Variants in MCC observed in about 807,000 individuals in gnomAD.
MCC encodes the protein colorectal mutant cancer protein.
MCC carries 90 observed loss-of-function variants against 116.2 expected under a neutral mutation model. The observed-to-expected ratio is 0.77, with a 90% CI of 0.65 to 0.92. The LOEUF (loss-of-function observed/expected upper bound fraction) is 0.92, where lower values mean the gene tolerates loss of function less well. Ranked by LOEUF, MCC falls within the 40% of genes least tolerant of loss-of-function variation. The pLI, the probability that MCC is intolerant of heterozygous loss-of-function variation, is 0.00. For synonymous variants in MCC, 578 were observed against 510.5 expected (o/e 1.13, Z -1.78); for missense variants, 1,516 against 1,312.2 (o/e 1.16, Z -2.40).
At chr5:113,146,846 C>T (rs1335733066) in intron 4 of MCC, among the ~76,000 whole-genome samples, 4 of 152,042 alleles carry the variant, frequency 2.6e-5, no homozygotes, top group African/African-American at 4.8e-5. Context: ...GTAATTGCAT[C>T]CAGGGTTCTT....
At chr5:113,316,840 G>A (rs1278204810) in intron 3 of MCC, among the ~76,000 whole-genome samples, 1 of 152,196 alleles carries the variant, frequency 6.6e-6, no homozygotes, top group Admixed American at 6.5e-5. Context: ...ATGTTTGTGT[G>A]TGTGTATGTA....
At chr5:113,299,171 C>T (rs1400766378) in intron 3 of MCC, among the ~76,000 whole-genome samples, 2 of 151,528 alleles carry the variant, frequency 1.3e-5, no homozygotes, top group East Asian at 3.9e-4. Flanking sequence ...ACCTATAATC[C>T]CAGATACTCA....
At chr5:113,398,823 A>G (rs905942593) in intron 1 of MCC, among the ~76,000 whole-genome samples, 1 of 152,232 alleles carries the variant, frequency 6.6e-6, no homozygotes, top group Non-Finnish European at 1.5e-5. Context: ...AGGATTTCCA[A>G]TAAGCAACTT....
At position 113,294,272 on chromosome 5, in the gene MCC, T is replaced by C. The variant is rs1256576520; in HGVS notation, c.627+46247A>G. 1.9e-6 allele frequency: 3 copies of C among 1,611,196 alleles called. No individual in the cohort carries two copies. In the African/African-American group the frequency reaches 4.0e-5, roughly 22 times the overall value. ...TGTGGGGAGGTCGAGGGGAGGGGGA[T>C]TTGTGGAAAAGCAAACGCCCGAGAA... is the stretch of plus-strand genomic sequence containing the variant. On this transcript the variant is annotated intron_variant, in intron 3 of 18. Coordinates refer to ENST00000408903, the MANE Select transcript of MCC (RefSeq NM_001085377.2).
In MCC at chr5:113,045,253, C is replaced by A. The variant is rs140778586; in HGVS notation, c.2656-1623G>T. On this transcript the variant is annotated intron_variant, in intron 16 of 18. Transcript: ENST00000408903. ...TGCACACAGACGAGAATTTCAAAAC[C>A]TAACGCAACTTGGATAAGATTTGGA... Among the ~76,000 whole-genome samples the A allele has an allele frequency of 4.4e-3, 673 of 152,292 alleles. 6 individuals are homozygous for A. The highest frequency in any genetic ancestry group is 2.6e-3 in the Admixed American group (40 of 15,302).
At chr5:113,339,408 A>AGTGTGTGTGTGTGTGTGTGT (rs60886614) in intron 3 of MCC, among the ~76,000 whole-genome samples, 2 of 123,586 alleles carry the variant, frequency 1.6e-5, no homozygotes, top group African/African-American at 6.4e-5. Flanking sequence ...AGGCTTCCTT[A>AGTGTGTGTGTGTGTGTGTGT]GTGTGTGTGT....
chr5:113,133,261 C>T (rs1006534023), intron 5 of MCC, among the ~76,000 whole-genome samples: 1 of 151,914 alleles, frequency 6.6e-6, no homozygotes, highest in Non-Finnish European at 1.5e-5. Flanking sequence ...ATTTTTGTAC[C>T]CATTATTCAA....
chr5:113,053,551 C>A (rs147618215), intron 15 of MCC, among the ~76,000 whole-genome samples, 174 bp downstream of exon 15: 2 of 152,276 alleles, frequency 1.3e-5, no homozygotes, highest in East Asian at 1.9e-4. Context: ...TCCAGAAACA[C>A]GCAGCCCAAG....
At chr5:113,184,394 G>C (rs1369218405) in intron 3 of MCC, among the ~76,000 whole-genome samples, 1 of 151,488 alleles carries the variant, frequency 6.6e-6, no homozygotes, top group African/African-American at 2.4e-5. Flanking sequence ...AGAAAAATTA[G>C]ACCAACTTGT....
intron 8 of MCC, among the ~76,000 whole-genome samples, chr5:113,094,774 A>ACAGCCAAGAGC (rs372675179): frequency 1.3e-5 from 2 of 152,318 alleles, no homozygotes; most frequent in African/African-American, 4.8e-5. Context: ...TTCTTTCATG[A>ACAGCCAAGAGC]CAGCCAAGAG....
intron 6 of MCC, 45 bp from the exon 7 acceptor site, chr5:113,104,400 G>C (rs1399284236): frequency 1.3e-6 from 2 of 1,537,808 alleles, no homozygotes; most frequent in Non-Finnish European, 1.8e-6. Flanking sequence ...GGCAACAAAT[G>C]CTGTCTGTTT....
At chr5:113,122,653 C>G (rs1395086647) in intron 6 of MCC, 31 bp downstream of exon 6, 2 of 1,605,926 alleles carry the variant, frequency 1.2e-6, no homozygotes, top group Non-Finnish European at 1.7e-6. Context: ...AAACCAAACT[C>G]TGGCTTGGTG....
At chr5:113,159,543 C>T (rs1760366255) in intron 3 of MCC, among the ~76,000 whole-genome samples, 1 of 152,214 alleles carries the variant, frequency 6.6e-6, no homozygotes, top group African/African-American at 2.4e-5. Context: ...GGCTACCTCT[C>T]TCCCAATGGC....
chr5:113,220,953 A>T (rs1044704762), intron 3 of MCC, among the ~76,000 whole-genome samples: 4 of 152,232 alleles, frequency 2.6e-5, no homozygotes, highest in African/African-American at 9.6e-5. Flanking sequence ...CTATAATCCC[A>T]GCACTTTTGG....
chr5:113,360,009 A>G, intron 2 of MCC, among the ~76,000 whole-genome samples: 1 of 152,142 alleles, frequency 6.6e-6, no homozygotes, highest in Non-Finnish European at 1.5e-5. Context: ...CTAGTCACTA[A>G]TTTTTAAGTG....
chr5:113,144,569 A>G (rs769757947), intron 4 of MCC, among the ~76,000 whole-genome samples: 50 of 152,234 alleles, frequency 3.3e-4, no homozygotes, highest in Non-Finnish European at 6.2e-4. Flanking sequence ...AACCCAGGGC[A>G]GGGACAAAAG....
At chr5:113,107,208 C>CTTTTTT (rs746820475) in intron 6 of MCC, among the ~76,000 whole-genome samples, 6 of 125,068 alleles carry the variant, frequency 4.8e-5, no homozygotes, top group Admixed American at 8.0e-5. Context: ...GCATGTTTTT[C>CTTTTTT]TTTTTTTTTT....
intron 8 of MCC, among the ~76,000 whole-genome samples, chr5:113,094,404 C>T (rs1335778180): frequency 2.7e-5 from 4 of 149,378 alleles, no homozygotes; most frequent in African/African-American, 7.4e-5. Flanking sequence ...TGGAAAAGGC[C>T]AGCATTTTGG....
At chr5:113,366,517 A>G (rs10074214) in intron 2 of MCC, among the ~76,000 whole-genome samples, 69,607 of 151,918 alleles carry the variant, frequency 0.46, 17,294 homozygotes, top group African/African-American at 0.64. Context: ...TGTTCAACCT[A>G]AGCCAGAATA....
Sources: allele counts gnomAD v4.1 joint callset (sites outside exome capture counted in the v4.1 genomes callset), GRCh38; gene constraint gnomAD v4.1.1; transcripts MANE v1.5; gene names NCBI Gene and HGNC (gene_info 2026-07-23, HGNC 2026-07-21).